The following KCNH1 variants were observed in gnomAD, a reference collection of about 807,000 sequenced individuals.
The protein encoded by KCNH1 is voltage-gated delayed rectifier potassium channel KCNH1.
In KCNH1, 27 loss-of-function variants were observed where a neutral mutation model predicts 69.2. The ratio of observed to expected loss-of-function variants is 0.39; its 90% CI spans 0.29 to 0.54. The LOEUF is 0.54. Among genes scored for constraint, KCNH1 ranks in the 20% least tolerant of loss-of-function variants. The pLI is 0.68. For missense variants in KCNH1, 798 were observed against 1,261.6 expected (o/e 0.63, Z 5.57); for synonymous variants, 456 against 487.7 (o/e 0.93, Z 0.86).
At chr1:210,901,987 C>G (rs1687005607) in intron 7 of KCNH1, among the ~76,000 whole-genome samples, 1 of 152,170 alleles carries the variant, frequency 6.6e-6, no homozygotes, top group South Asian at 2.1e-4. Flanking sequence ...CCACATCTCA[C>G]AGGCAGTGCT....
intron 10 of KCNH1, among the ~76,000 whole-genome samples, chr1:210,692,468 CCTT>C (rs1050448229): frequency 6.6e-6 from 1 of 152,152 alleles, no homozygotes; most frequent in Non-Finnish European, 1.5e-5. Flanking sequence ...ACATTTGTCA[CCTT>C]CTCCTTGTTT....
At chr1:210,807,180 T>G (rs1684602516) in intron 7 of KCNH1, among the ~76,000 whole-genome samples, 1 of 151,964 alleles carries the variant, frequency 6.6e-6, no homozygotes, top group Non-Finnish European at 1.5e-5. Flanking sequence ...TAGATTCATT[T>G]AACCAACACT....
intron 7 of KCNH1, among the ~76,000 whole-genome samples, chr1:210,874,759 A>T (rs1686330476): frequency 6.6e-6 from 1 of 152,224 alleles, no homozygotes; most frequent in Non-Finnish European, 1.5e-5. Flanking sequence ...TATAATGCCA[A>T]AGATCATAGT....
chr1:211,117,557 A>C (rs1691604193), intron 1 of KCNH1, among the ~76,000 whole-genome samples: 1 of 152,222 alleles, frequency 6.6e-6, no homozygotes, highest in Non-Finnish European at 1.5e-5. Flanking sequence ...CTGAGATTAC[A>C]TGGAGAAGAA....
intron 6 of KCNH1, among the ~76,000 whole-genome samples, chr1:210,964,298 G>A (rs1381639705): frequency 6.6e-6 from 1 of 152,096 alleles, no homozygotes; most frequent in African/African-American, 2.4e-5. Context: ...CACTAAACAT[G>A]GAAAGGAACA....
At chr1:211,001,362 C>T (rs531973491) in intron 6 of KCNH1, among the ~76,000 whole-genome samples, 1 of 152,144 alleles carries the variant, frequency 6.6e-6, no homozygotes, top group Non-Finnish European at 1.5e-5. Flanking sequence ...AGGATATGAA[C>T]AGACACTTCT....
At chr1:210,991,679 GTTAA>G (rs1183039035) in intron 6 of KCNH1, among the ~76,000 whole-genome samples, 1 of 151,560 alleles carries the variant, frequency 6.6e-6, no homozygotes, top group African/African-American at 2.4e-5. Flanking sequence ...TGTTACATAT[GTTAA>G]TTAGCTTGAT....
intron 10 of KCNH1, among the ~76,000 whole-genome samples, chr1:210,751,214 G>A (rs1443308738): frequency 6.6e-6 from 1 of 152,172 alleles, no homozygotes; most frequent in African/African-American, 2.4e-5. Context: ...AGTTTGGGCT[G>A]AGGTGGAGCA....
At chr1:210,747,000 G>A (rs17016849) in intron 10 of KCNH1, among the ~76,000 whole-genome samples, 1,663 of 152,270 alleles carry the variant, frequency 0.011, 76 homozygotes, top group Admixed American at 0.075. Flanking sequence ...TATAGTCAGA[G>A]TAGACCGTTC....
At chr1:211,101,878 A>G (rs1163997477) in intron 3 of KCNH1, among the ~76,000 whole-genome samples, 1 of 152,222 alleles carries the variant, frequency 6.6e-6, no homozygotes, top group East Asian at 1.9e-4. Flanking sequence ...TAAAAATTGT[A>G]TATGACCATA....
intron 5 of KCNH1, among the ~76,000 whole-genome samples, chr1:211,040,189 T>C (rs1444845494): frequency 1.2e-5 from 1 of 81,384 alleles, no homozygotes; most frequent in Non-Finnish European, 2.7e-5. Context: ...AGACTCCGTC[T>C]CAAAAAAAAA....
At chr1:210,859,828 T>A (rs2102479116) in intron 7 of KCNH1, 1 of 1,083,024 alleles carries the variant, frequency 9.2e-7, no homozygotes, top group Non-Finnish European at 1.4e-6. Context: ...ATTAAGCCAC[T>A]AATAAAATGA....
At chr1:210,909,523 T>G (rs1382207211) in intron 7 of KCNH1, among the ~76,000 whole-genome samples, 1 of 152,222 alleles carries the variant, frequency 6.6e-6, no homozygotes, top group Non-Finnish European at 1.5e-5. Context: ...TTTATGCCAT[T>G]TAATTTGCAT....
At chr1:210,856,607 G>T (rs1685843206) in intron 7 of KCNH1, among the ~76,000 whole-genome samples, 1 of 150,750 alleles carries the variant, frequency 6.6e-6, no homozygotes, top group Non-Finnish European at 1.5e-5. Context: ...TTTTACCCCA[G>T]AATTCTAACT....
At chr1:210,833,982 G>A (rs1685224814) in intron 7 of KCNH1, among the ~76,000 whole-genome samples, 1 of 152,192 alleles carries the variant, frequency 6.6e-6, no homozygotes, top group African/African-American at 2.4e-5. Context: ...AAACCACAAT[G>A]AGATAGCATC....
chr1:210,934,638 C>CA lies in KCNH1; in HGVS notation c.1033-14570dup, dbSNP rs1276655251. ...TGGGTGACAGAGCAAGACTCCGTCT[C>CA]AAAAAAAAAAAATTGGCAGATGATC... On this transcript the variant is annotated intron_variant, in intron 6 of 10. Transcript: ENST00000271751. Among the ~76,000 whole-genome samples, 974 of 127,284 alleles carry CA rather than the reference C, an allele frequency of 7.7e-3. 9 individuals are homozygous for CA. The highest frequency in any genetic ancestry group is 0.025 in the African/African-American group (861 of 34,466). The allele number at this position is 127,284 out of a possible 152,430, so 83.5% of individuals were successfully genotyped here. A position where few individuals can be genotyped will look rare whatever the true frequency, so the allele number is the denominator to read the frequency against.
At position 210,954,639 on chromosome 1, in the gene KCNH1, A is replaced by G. The variant is rs141247061; in HGVS notation, c.1033-34570T>C. Among the ~76,000 whole-genome samples, 28 of 152,246 alleles carry G rather than the reference A, an allele frequency of 1.8e-4. No homozygotes were observed. The East Asian group carries it at 5.2e-3, about 28-fold the overall frequency. ...ATATCTCATTGTGGCTTTGATTTGC[A>G]TTTCTCTGATGACCAGTGATGATGA... is the stretch of plus-strand genomic sequence containing the variant. On this transcript the variant is annotated intron_variant, in intron 6 of 10. Transcript: ENST00000271751.
intron 10 of KCNH1, among the ~76,000 whole-genome samples, chr1:210,774,583 C>G (rs773017347): frequency 1.3e-5 from 2 of 152,094 alleles, no homozygotes; most frequent in Non-Finnish European, 2.9e-5. Context: ...CCTATGACAA[C>G]CTTTCCATAT....
At chr1:211,126,742 G>A (rs570869976) in intron 1 of KCNH1, among the ~76,000 whole-genome samples, 4 of 150,744 alleles carry the variant, frequency 2.7e-5, no homozygotes, top group Admixed American at 6.6e-5. Context: ...AGAGCATCAG[G>A]CAAATTCCAG....
Sources: allele counts gnomAD v4.1 joint callset (sites outside exome capture counted in the v4.1 genomes callset), GRCh38; gene constraint gnomAD v4.1.1; transcripts MANE v1.5; gene names NCBI Gene and HGNC (gene_info 2026-07-23, HGNC 2026-07-21).